USP13: variants seen among roughly 807,000 people sequenced by gnomAD.
USP13 encodes the protein ubiquitin specific peptidase 13, also known as ubiquitin carboxyl-terminal hydrolase 13.
A neutral mutation model predicts 107.8 loss-of-function variants in USP13; 68 were observed. The ratio of observed to expected loss-of-function variants is 0.63; its 90% CI spans 0.52 to 0.77. USP13 has a LOEUF of 0.77. USP13 is among the 30% of genes least tolerant of loss of function. USP13 has a pLI of 0.00. For synonymous variants in USP13, 377 were observed against 389.5 expected (o/e 0.97, Z 0.38); for missense variants, 945 against 1,093.3 (o/e 0.86, Z 1.91).
At position 179,785,862 on chromosome 3, in the gene USP13, A is replaced by C. The variant is rs1339039909; in HGVS notation, c.*1721A>C. 1 of 152,254 alleles carries C rather than the reference A, an allele frequency of 6.6e-6. No individual in the cohort carries two copies. Among genetic ancestry groups the C allele is most frequent in the Non-Finnish European group, 1.5e-5 (1 of 68,100 alleles). 9.4% of individuals were successfully genotyped at this position (152,254 alleles called of 1,614,324 possible). On this transcript the variant is annotated 3_prime_UTR_variant, in exon 21 of 21. Transcript: ENST00000263966. ...ATCCGTCCTGTGCCTCACTGTCCTC[A>C]TCTGAACAATGGTATGATGACACCT...
At chr3:179,727,163 GTTTTTTTT>G (rs528617941) in intron 8 of USP13, among the ~76,000 whole-genome samples, 1 of 114,358 alleles carries the variant, frequency 8.7e-6, no homozygotes, top group South Asian at 3.1e-4. Flanking sequence ...AATTTTTAAT[GTTTTTTTT>G]TTTTTTTTTT....
intron 4 of USP13, among the ~76,000 whole-genome samples, chr3:179,703,652 C>T (rs1712611359): frequency 1.3e-5 from 2 of 152,174 alleles, no homozygotes; most frequent in African/African-American, 4.8e-5. Flanking sequence ...AATACTCCCA[C>T]CATGACTGAT....
At chr3:179,749,035 T>A (rs143182207) in intron 13 of USP13, among the ~76,000 whole-genome samples, 1 of 152,320 alleles carries the variant, frequency 6.6e-6, no homozygotes, top group East Asian at 1.9e-4. Flanking sequence ...TTTGATGATA[T>A]AATTTGAGTG....
chr3:179,732,392 C>A (rs1371862161), intron 10 of USP13, among the ~76,000 whole-genome samples: 1 of 152,208 alleles, frequency 6.6e-6, no homozygotes, highest in Non-Finnish European at 1.5e-5. Context: ...TCACTTCTTG[C>A]ATGGCTCTTC....
intron 19 of USP13, among the ~76,000 whole-genome samples, chr3:179,770,609 A>ATT (rs34708974): frequency 4.1e-5 from 6 of 145,950 alleles, no homozygotes; most frequent in South Asian, 2.2e-4. Flanking sequence ...TGACTTGAGA[A>ATT]TTTTTTTTTT....
chr3:179,780,542 A>G (rs548811514), intron 19 of USP13, among the ~76,000 whole-genome samples: 1 of 152,288 alleles, frequency 6.6e-6, no homozygotes, highest in South Asian at 2.1e-4. Flanking sequence ...TAGGGGGGGA[A>G]GAAGAAGGTT....
intron 18 of USP13, among the ~76,000 whole-genome samples, chr3:179,765,302 G>T (rs1387291321): frequency 6.6e-6 from 1 of 152,184 alleles, no homozygotes; most frequent in African/African-American, 2.4e-5. Context: ...AATACAGTTG[G>T]TAGAGAAGGT....
chr3:179,759,453 C>CTAA (rs760824261), intron 16 of USP13, among the ~76,000 whole-genome samples: 48 of 152,162 alleles, frequency 3.2e-4, no homozygotes, highest in Non-Finnish European at 1.9e-4. Context: ...CTTCACTGTG[C>CTAA]TAATGCACAT....
intron 16 of USP13, among the ~76,000 whole-genome samples, chr3:179,759,833 C>A (rs969343290): frequency 3.9e-5 from 6 of 152,132 alleles, no homozygotes; most frequent in Non-Finnish European, 7.4e-5. Context: ...GCCACCACCC[C>A]CAGCTAACTT....
At chr3:179,776,907 G>A (rs1295311253) in intron 19 of USP13, among the ~76,000 whole-genome samples, 1 of 121,808 alleles carries the variant, frequency 8.2e-6, no homozygotes, top group East Asian at 2.7e-4. Context: ...TGGGAACTTA[G>A]AGAAGAATCA....
chr3:179,784,245 A>G lies in USP13; in HGVS notation c.*104A>G. ...GAAACAACTAGACATGAAGGAATAT[A>G]TGGGGTATTTATCGTTTATTTAAAG... On this transcript the variant is annotated 3_prime_UTR_variant, in exon 21 of 21. Transcript: ENST00000263966. 2 of 857,024 alleles carry G rather than the reference A, an allele frequency of 2.3e-6. No homozygotes were observed. The highest frequency in any genetic ancestry group is 3.7e-6 in the Non-Finnish European group (2 of 539,244). 53.1% of individuals were successfully genotyped at this position (857,024 alleles called of 1,614,324 possible).
chr3:179,758,630 C>G (rs1714892048), intron 16 of USP13, among the ~76,000 whole-genome samples: 2 of 151,502 alleles, frequency 1.3e-5, no homozygotes, highest in African/African-American at 2.4e-5. Context: ...TCCCGAGTAG[C>G]TGGGACTACA....
chr3:179,726,314 C>T (rs1223317666), intron 8 of USP13, among the ~76,000 whole-genome samples: 3 of 152,112 alleles, frequency 2.0e-5, no homozygotes, highest in Non-Finnish European at 4.4e-5. Flanking sequence ...TGGGGGAACA[C>T]AGTGGCAGAT....
intron 19 of USP13, among the ~76,000 whole-genome samples, chr3:179,774,281 C>T (rs1172500794): frequency 2.6e-5 from 4 of 152,210 alleles, no homozygotes; most frequent in African/African-American, 7.2e-5. Context: ...TCCCAAATAC[C>T]TCCCACTATG....
In USP13 at chr3:179,764,137, G is replaced by A. The variant is rs1715097231; in HGVS notation, c.2228G>A (p.Arg743Gln). The change falls in exon 18 of 21, where the codon CGA (arginine) becomes CAA (glutamine). Residue 743 changes from arginine (R) to glutamine (Q), a missense_variant. Physicochemically the swap from Arg to Gln is conservative, Grantham distance 43. Coordinates refer to ENST00000263966, the MANE Select transcript of USP13 (RefSeq NM_003940.3). ...ATCATCACCTCCATGGGATTTCAGC[G>A]AAATCAGGCTATTCAGGCACTACGA... ...VAIITSMGFQRNQAIQALRAT... is the reference protein window; with the variant it reads ...VAIITSMGFQQNQAIQALRAT... The A allele has an allele frequency of 3.7e-6, 6 of 1,613,888 alleles. No homozygotes were observed. Among genetic ancestry groups the A allele is most frequent in the African/African-American group, 1.3e-5 (1 of 74,936 alleles).
At position 179,690,167 on chromosome 3, in the gene USP13, TG is replaced by T. The variant is rs1181122280; in HGVS notation, c.295-73del. ...GCCTTCTGTAAAAACTAGGAACCTC[TG>T]AGATGTGCTTTTCCCTCACAAAGAT... On this transcript the variant is annotated intron_variant, in intron 2 of 20. Coordinates refer to ENST00000263966, the MANE Select transcript of USP13 (RefSeq NM_003940.3). 3.9e-5 allele frequency: 55 copies of T among 1,422,586 alleles called. No individual in the cohort carries two copies. In the Admixed American group the frequency reaches 7.2e-4, roughly 19 times the overall value. The allele number at this position is 1,422,586 out of a possible 1,614,324, so 88.1% of individuals were successfully genotyped here. A position where few individuals can be genotyped will look rare whatever the true frequency, so the allele number is the denominator to read the frequency against.
intron 13 of USP13, among the ~76,000 whole-genome samples, chr3:179,748,302 A>G (rs920376205): frequency 2.6e-5 from 4 of 152,318 alleles, no homozygotes; most frequent in African/African-American, 9.6e-5. Flanking sequence ...ATTTTTGTAG[A>G]GCCTTGCTTT....
chr3:179,775,691 C>T (rs909158331), intron 19 of USP13, among the ~76,000 whole-genome samples: 2 of 152,190 alleles, frequency 1.3e-5, no homozygotes, highest in African/African-American at 2.4e-5. Flanking sequence ...GGCGAGAATT[C>T]GAGTGCAGTG....
intron 8 of USP13, among the ~76,000 whole-genome samples, chr3:179,724,023 G>A (rs1180294541): frequency 1.3e-5 from 2 of 151,946 alleles, no homozygotes; most frequent in Non-Finnish European, 2.9e-5. Flanking sequence ...AGCCGGGCGT[G>A]GTGGTGCACA....
Sources: gnomAD v4.1 joint callset for allele counts (sites outside exome capture counted in the v4.1 genomes callset) on GRCh38, gnomAD v4.1.1 for gene constraint, MANE v1.5 for transcripts, NCBI Gene and HGNC (gene_info 2026-07-23, HGNC 2026-07-21) for gene names.